The following PRRC2B variants were observed in gnomAD, a reference collection of about 807,000 sequenced individuals.
PRRC2B encodes the protein proline rich coiled-coil 2B.
Under a neutral mutation model 242.3 loss-of-function variants are expected in PRRC2B, and 68 were observed. The observed-to-expected ratio is 0.28, with a 90% CI of 0.23 to 0.34. The LOEUF (loss-of-function observed/expected upper bound fraction) is 0.34, where lower values mean the gene tolerates loss of function less well. Ranked by LOEUF, PRRC2B falls within the 10% of genes least tolerant of loss-of-function variation. The pLI, the probability that PRRC2B is intolerant of heterozygous loss-of-function variation, is 1.00. For synonymous variants in PRRC2B, 1,228 were observed against 1,173.6 expected, an observed-to-expected ratio of 1.05 and a Z score of -0.95; for missense variants, 2,835 against 2,954.8, an observed-to-expected ratio of 0.96 and a Z score of 0.94.
chr9:131,493,750 G>A (rs925094557), intron 30 of PRRC2B, among the ~76,000 whole-genome samples: 1 of 152,200 alleles, frequency 6.6e-6, no homozygotes, highest in Admixed American at 6.5e-5. Context: ...CAGGTCCTTG[G>A]GGGAGTGCTG....
chr9:131,400,488 T>A (rs1412785938), intron 1 of PRRC2B, among the ~76,000 whole-genome samples: 1 of 151,994 alleles, frequency 6.6e-6, no homozygotes, highest in East Asian at 1.9e-4. Context: ...TGGCTACTTT[T>A]TGTATTTTTA....
In PRRC2B at chr9:131,487,399, C is replaced by A; in HGVS notation, c.5984+105C>A. The A allele has an allele frequency of 9.6e-7, 1 of 1,039,838 alleles. No individual in the cohort carries two copies. 64.4% of individuals were successfully genotyped at this position (1,039,838 alleles called of 1,614,324 possible). A position where few individuals can be genotyped will look rare whatever the true frequency, so the allele number is the denominator to read the frequency against. On this transcript the variant is annotated intron_variant, in intron 27 of 31. Transcript: ENST00000683519. The surrounding 1 kb of genome is among the most constrained non-coding windows in gnomAD (Gnocchi z 5.3). ...TGTTTGGTGCTTGTCTGCTTTGGGG[C>A]CAGTGGGGCGGGGAGGGGTGGGAGT...
upstream of PRRC2B, among the ~76,000 whole-genome samples, chr9:131,393,186 T>A (rs1588235394): frequency 6.6e-6 from 1 of 152,302 alleles, no homozygotes; most frequent in East Asian, 1.9e-4. Flanking sequence ...TATCTGCCCC[T>A]GGGTTAGGAT....
In PRRC2B at chr9:131,494,475, T is replaced by A. The variant is rs376977124; in HGVS notation, c.6544T>A (p.Tyr2182Asn). ...AVNMGSVQGH[Y>N]VQQAKQRVDE... Reference sequence around the variant, plus strand: ...TAACATGGGCTCTGTGCAGGGACACTACGTGCAACAGGTAGAAGATGGCTT... The same window carrying A: ...TAACATGGGCTCTGTGCAGGGACACAACGTGCAACAGGTAGAAGATGGCTT... Residue 2182 changes from tyrosine (Y) to asparagine (N), a missense_variant, in exon 31 of 32, where the codon TAC becomes AAC. Around this residue, in one of 7 missense-constraint regions of PRRC2B, gnomAD observed 574 missense variants for 626.0 expected, o/e 0.92. Transcript: ENST00000683519. This position sits in a 1 kb window ranked among gnomAD's most constrained non-coding sequence, Gnocchi z 4.3. 60 of 1,588,878 alleles carry A rather than the reference T, an allele frequency of 3.8e-5. No homozygotes were observed. In the Middle Eastern group the frequency reaches 1.7e-3, roughly 44 times the overall value.
upstream of PRRC2B, among the ~76,000 whole-genome samples, chr9:131,392,808 G>T (rs551767860): frequency 6.6e-6 from 1 of 151,910 alleles, no homozygotes; most frequent in Non-Finnish European, 1.5e-5. Flanking sequence ...AGCTACTCAG[G>T]AGGCTGGGGC....
chr9:131,432,935 G>A, intron 3 of PRRC2B, 141 bp downstream of exon 3: 1 of 785,714 alleles, frequency 1.3e-6, no homozygotes, highest in East Asian at 2.7e-5. Flanking sequence ...ACTGGGAGAT[G>A]CAAATGAAGC....
chr9:131,460,966 G>A lies in PRRC2B; in HGVS notation c.1404+1610G>A, dbSNP rs145354245. ...GCGGGGAATGTATGTAGGTATATGTGTGTGCACAAATACACACTTTCATAT... is the reference window on the plus strand; with the variant it reads ...GCGGGGAATGTATGTAGGTATATGTATGTGCACAAATACACACTTTCATAT... On this transcript the variant is annotated intron_variant, in intron 11 of 31. Transcript: ENST00000683519. Among the ~76,000 whole-genome samples, 322 of 152,232 alleles carry A rather than the reference G, an allele frequency of 2.1e-3. 1 individual carries two copies. The highest frequency in any genetic ancestry group is 7.4e-3 in the African/African-American group (308 of 41,510).
chr9:131,467,823 G>T, intron 13 of PRRC2B, 70 bp downstream of exon 13: 1 of 1,495,536 alleles, frequency 6.7e-7, no homozygotes, highest in South Asian at 1.2e-5. Context: ...TCCCCTCCTC[G>T]TCCCCATGCC....
At chr9:131,379,299 G>T (rs1836725219) in intron 1 of PRRC2B, among the ~76,000 whole-genome samples, 1 of 152,146 alleles carries the variant, frequency 6.6e-6, no homozygotes, top group Non-Finnish European at 1.5e-5. Flanking sequence ...ATGTGTTGGG[G>T]TATATATCCA....
chr9:131,495,986 C>G lies in PRRC2B; in HGVS notation c.*112C>G, dbSNP rs1944324395. On this transcript the variant is annotated 3_prime_UTR_variant, in exon 32 of 32. Transcript: ENST00000683519. ...AGATCCACCGTCCAAATGCGTGGCC[C>G]AGACTGAGAGACCTCCCTCCTCTCC... 7.0e-7 allele frequency: 1 copy of G among 1,438,264 alleles called. No individual in the cohort carries two copies. Among genetic ancestry groups the G allele is most frequent in the Non-Finnish European group, 9.4e-7 (1 of 1,067,346 alleles). The allele number at this position is 1,438,264 out of a possible 1,614,324, so 89.1% of individuals were successfully genotyped here.
chr9:131,435,875 C>CT (rs1293962704), intron 3 of PRRC2B, among the ~76,000 whole-genome samples: 1 of 152,194 alleles, frequency 6.6e-6, no homozygotes, highest in Non-Finnish European at 1.5e-5. Flanking sequence ...GTGTAAAACT[C>CT]TGCTGGTTAA....
chr9:131,394,646 G>C (rs1029166744), intron 1 of PRRC2B, among the ~76,000 whole-genome samples: 4 of 151,310 alleles, frequency 2.6e-5, no homozygotes, highest in African/African-American at 9.7e-5. Context: ...CCCGCAGCCG[G>C]GTCTCGGGGT....
In PRRC2B at chr9:131,475,020, A is replaced by T. The variant is rs765084965; in HGVS notation, c.2891A>T (p.Gln964Leu). 6.2e-7 allele frequency: 1 copy of T among 1,606,760 alleles called. No individual in the cohort carries two copies. Among genetic ancestry groups the T allele is most frequent in the South Asian group, 1.1e-5 (1 of 89,616 alleles). The change falls in exon 16 of 32, where the codon CAG becomes CTG. Residue 964 changes from glutamine to leucine, a missense_variant. Coordinates refer to ENST00000683519, the MANE Select transcript of PRRC2B (RefSeq NM_013318.4). Reference protein sequence around the residue: ...DKEKELEKIKQELGEESTRLA... With the variant: ...DKEKELEKIKLELGEESTRLA... ...GAGAAGGAGCTTGAGAAGATTAAGC[A>T]GGAGCTAGGGGAGGAGAGTACCCGG...
chr9:131,477,598 C>G, intron 16 of PRRC2B, 146 bp from the exon 17 acceptor site: 1 of 608,588 alleles, frequency 1.6e-6, no homozygotes. Flanking sequence ...GCACTGTGGC[C>G]AGCCTGCCGC....
intron 5 of PRRC2B, among the ~76,000 whole-genome samples, chr9:131,440,770 A>C (rs570002076): frequency 2.6e-5 from 4 of 152,334 alleles, no homozygotes; most frequent in East Asian, 1.9e-4. Context: ...CTTCAGGTGA[A>C]AAAAAGTACA....
chr9:131,390,628 G>T (rs556999607), upstream of PRRC2B, among the ~76,000 whole-genome samples: 1 of 147,346 alleles, frequency 6.8e-6, no homozygotes, highest in East Asian at 2.0e-4. Context: ...GACTATAGGC[G>T]CCCGCCACCA....
chr9:131,492,070 A>G (rs1944211070), intron 29 of PRRC2B, 99 bp from the exon 30 acceptor site: 2 of 920,084 alleles, frequency 2.2e-6, no homozygotes, highest in Non-Finnish European at 3.5e-6. Context: ...GGGAATTCCC[A>G]TGGCCCTCAC....
intron 9 of PRRC2B, 145 bp downstream of exon 9, chr9:131,447,949 C>A: frequency 1.4e-6 from 1 of 725,040 alleles, no homozygotes; most frequent in Non-Finnish European, 2.0e-6. Context: ...GACCTGATGC[C>A]CTCCTTCCTC....
chr9:131,451,707 T>A (rs1487245270), intron 9 of PRRC2B, among the ~76,000 whole-genome samples: 1 of 152,210 alleles, frequency 6.6e-6, no homozygotes, highest in Non-Finnish European at 1.5e-5. Flanking sequence ...TTTTCAGAGA[T>A]GCTGTTTATC....
Sources: gnomAD v4.1 joint callset for allele counts (sites outside exome capture counted in the v4.1 genomes callset) on GRCh38, gnomAD v4.1.1 for gene constraint, gnomAD v4.1.1 regional missense constraint, Gnocchi (gnomAD v3.1) non-coding constraint, MANE v1.5 for transcripts, NCBI Gene and HGNC (gene_info 2026-07-23, HGNC 2026-07-21) for gene names.